The following EIF2B3 variants were observed in gnomAD, a reference collection of about 807,000 sequenced individuals.
The protein encoded by EIF2B3 is translation initiation factor eIF2B subunit gamma.
In EIF2B3, 20 loss-of-function variants were observed where a neutral mutation model predicts 54.1. That is an observed-to-expected ratio of 0.37 (90% CI 0.26 to 0.54). The LOEUF is 0.54. Ranked by LOEUF, EIF2B3 falls within the 20% of genes least tolerant of loss-of-function variation. The pLI is 0.86. For missense variants in EIF2B3, 448 were observed against 547.8 expected, an observed-to-expected ratio of 0.82 and a Z score of 1.82; for synonymous variants, 153 against 188.1, an observed-to-expected ratio of 0.81 and a Z score of 1.52.
At position 44,881,861 on chromosome 1, in the gene EIF2B3, G is replaced by C; in HGVS notation, c.657-122C>G. The C allele has an allele frequency of 1.5e-6, 2 of 1,336,106 alleles. No individual in the cohort carries two copies. Among genetic ancestry groups the C allele is most frequent in the South Asian group, 2.4e-5 (2 of 82,018 alleles). The allele number at this position is 1,336,106 out of a possible 1,614,324, so 82.8% of individuals were successfully genotyped here. On this transcript the variant is annotated intron_variant, in intron 6 of 11. Transcript: ENST00000360403. The surrounding 1 kb of genome is among the most constrained non-coding windows in gnomAD (Gnocchi z 4.0). The stretch of plus-strand genomic sequence containing the variant: ...CTGTCATGGCACCTTGGGACTGTCA[G>C]AGATCAAATGTGGCATTGACTTGGC...
chr1:44,959,633 C>G (rs435311), intron 3 of EIF2B3, among the ~76,000 whole-genome samples: 28,607 of 152,108 alleles, frequency 0.19, 2,850 homozygotes, highest in African/African-American at 0.23. Context: ...TATCTAGATA[C>G]GACTCCCCAG....
intron 10 of EIF2B3, among the ~76,000 whole-genome samples, chr1:44,873,024 A>G (rs1241788823): frequency 6.6e-6 from 1 of 152,174 alleles, no homozygotes; most frequent in Non-Finnish European, 1.5e-5. Flanking sequence ...TTCTCAACTC[A>G]GCGTTAGGTG....
chr1:44,965,798 C>A (rs1304878457), intron 3 of EIF2B3, among the ~76,000 whole-genome samples: 1 of 151,778 alleles, frequency 6.6e-6, no homozygotes, highest in Admixed American at 6.6e-5. Flanking sequence ...CACTACTATG[C>A]CCAGCTAATT....
At chr1:44,974,387 C>G (rs570087223) in intron 3 of EIF2B3, among the ~76,000 whole-genome samples, 9 of 150,750 alleles carry the variant, frequency 6.0e-5, no homozygotes, top group Admixed American at 2.0e-4. Flanking sequence ...GTAGGAGGAT[C>G]ACCTGAGCCT....
chr1:44,932,090 C>A (rs1481011398), intron 4 of EIF2B3, among the ~76,000 whole-genome samples: 1 of 151,956 alleles, frequency 6.6e-6, no homozygotes, highest in Non-Finnish European at 1.5e-5. Context: ...CTAGCCTGGA[C>A]AACAGAGAGA....
intron 4 of EIF2B3, among the ~76,000 whole-genome samples, chr1:44,935,342 G>A (rs934335033): frequency 1.3e-5 from 2 of 152,088 alleles, no homozygotes; most frequent in Non-Finnish European, 2.9e-5. Flanking sequence ...ATTGAGAAAA[G>A]GAAAGTTTCT....
chr1:44,980,941 T>A (rs1644505198), intron 2 of EIF2B3, 80 bp downstream of exon 2: 1 of 1,565,748 alleles, frequency 6.4e-7, no homozygotes, highest in African/African-American at 1.4e-5. Context: ...CCCTCTCTCA[T>A]TCTCATAACG....
intron 5 of EIF2B3, among the ~76,000 whole-genome samples, chr1:44,902,761 G>C (rs1032405358): frequency 4.0e-5 from 6 of 149,084 alleles, no homozygotes; most frequent in African/African-American, 1.5e-4. Flanking sequence ...CCAGGAGCTC[G>C]AGGCTGCTGC....
chr1:44,955,201 A>C (rs1221163949), intron 3 of EIF2B3, among the ~76,000 whole-genome samples: 1 of 152,186 alleles, frequency 6.6e-6, no homozygotes, highest in African/African-American at 2.4e-5. Context: ...AGGCCTCAGA[A>C]ATAACGCCGC....
chr1:44,975,377 G>A (rs1056821933), intron 3 of EIF2B3, among the ~76,000 whole-genome samples: 16 of 151,808 alleles, frequency 1.1e-4, no homozygotes, highest in South Asian at 4.2e-4. Flanking sequence ...TTCGTTGTGC[G>A]AACATCATAG....
chr1:44,978,357 C>T lies in EIF2B3; in HGVS notation c.252G>A (p.Met84Ile). The change falls in exon 3 of 12, where the codon ATG (methionine) becomes ATA (isoleucine). Residue 84 changes from methionine to isoleucine, a missense_variant. This residue lies in a region of EIF2B3 where 95 missense variants were observed against 115.7 expected (regional missense o/e 0.82). Transcript: ENST00000360403. ...TGTAGCGCAAAGAATCTGCAGTTCC[C>T]ATGTCAGCGTCATCAGGAATACACA... ...DIVCIPDDAD[M>I]GTADSLRYIY... 1 of 1,614,092 alleles carries T rather than the reference C, an allele frequency of 6.2e-7. No individual in the cohort carries two copies.
intron 8 of EIF2B3, among the ~76,000 whole-genome samples, chr1:44,879,327 ACTC>A (rs1364900814): frequency 1.3e-5 from 2 of 151,748 alleles, no homozygotes; most frequent in Non-Finnish European, 2.9e-5. Flanking sequence ...CTAGCAAGAG[ACTC>A]CTCATTAATG....
intron 11 of EIF2B3, among the ~76,000 whole-genome samples, chr1:44,855,538 T>A (rs998435301): frequency 3.6e-4 from 55 of 152,194 alleles, no homozygotes; most frequent in African/African-American, 1.3e-3. Context: ...CATATAGTTA[T>A]GAGACAATCG....
At chr1:44,923,940 CTTTTTTTTT>C (rs570038780) in intron 5 of EIF2B3, among the ~76,000 whole-genome samples, 1 of 131,736 alleles carries the variant, frequency 7.6e-6, no homozygotes, top group African/African-American at 2.9e-5. Flanking sequence ...AATTTCTTTC[CTTTTTTTTT>C]TTTTTTTTTG....
intron 11 of EIF2B3, among the ~76,000 whole-genome samples, chr1:44,853,026 G>C (rs1249658228): frequency 6.6e-6 from 1 of 152,146 alleles, no homozygotes; most frequent in Non-Finnish European, 1.5e-5. Context: ...ATATGTTTAA[G>C]TTGTCCAAGA....
At chr1:44,943,400 AT>A (rs1644060977) in intron 3 of EIF2B3, among the ~76,000 whole-genome samples, 1 of 151,178 alleles carries the variant, frequency 6.6e-6, no homozygotes, top group Non-Finnish European at 1.5e-5. Flanking sequence ...CTATATCTAT[AT>A]CTATATCTAT....
intron 5 of EIF2B3, among the ~76,000 whole-genome samples, chr1:44,916,971 AT>A (rs1267584328): frequency 6.6e-6 from 1 of 152,068 alleles, no homozygotes; most frequent in South Asian, 2.1e-4. Flanking sequence ...TACTCAGTTT[AT>A]AATATTCTCG....
At chr1:44,974,829 C>T (rs899622011) in intron 3 of EIF2B3, among the ~76,000 whole-genome samples, 1 of 152,050 alleles carries the variant, frequency 6.6e-6, no homozygotes, top group Non-Finnish European at 1.5e-5. Flanking sequence ...TTTCTATGTA[C>T]AAGCAATAAA....
rs1046998182 is a variant in EIF2B3 at position 44,917,604 on chromosome 1, C to T, written c.566+9024G>A. 8.0e-4 allele frequency among the ~76,000 whole-genome samples: 121 copies of T among 151,254 alleles called. 1 individual carries two copies. Among genetic ancestry groups the T allele is most frequent in the African/African-American group, 2.8e-3 (116 of 41,264 alleles). On this transcript the variant is annotated intron_variant, in intron 5 of 11. Transcript: ENST00000360403. ...AAAATTAAAATTGAAGTTATATATG[C>T]ATATAAAGAGGCAAGTAGTTTCTCA...
Sources: gnomAD v4.1 joint callset for allele counts (sites outside exome capture counted in the v4.1 genomes callset) on GRCh38, gnomAD v4.1.1 for gene constraint, gnomAD v4.1.1 regional missense constraint, Gnocchi (gnomAD v3.1) non-coding constraint, MANE v1.5 for transcripts, NCBI Gene and HGNC (gene_info 2026-07-23, HGNC 2026-07-21) for gene names.